The following ELOVL7 variants were observed in gnomAD, a reference collection of about 807,000 sequenced individuals.
ELOVL7 encodes the protein ELOVL fatty acid elongase 7.
ELOVL7 carries 27 observed loss-of-function variants against 35.7 expected under a neutral mutation model. The observed-to-expected ratio is 0.76, with a 90% confidence interval of 0.56 to 1.04. The LOEUF is 1.04. Ranked by LOEUF, ELOVL7 falls within the 50% of genes least tolerant of loss-of-function variation. The pLI, the probability that ELOVL7 is intolerant of heterozygous loss-of-function variation, is 0.00. For synonymous variants in ELOVL7, 113 were observed against 114.6 expected (o/e 0.99, Z 0.09); for missense variants, 327 against 340.8 (o/e 0.96, Z 0.32).
chr5:60,827,728 T>C (rs1384585115), intron 1 of ELOVL7, among the ~76,000 whole-genome samples: 1 of 152,154 alleles, frequency 6.6e-6, no homozygotes, highest in Non-Finnish European at 1.5e-5. Context: ...TGTAATTTAT[T>C]AACTTAACCT....
chr5:60,767,722 T>C (rs2112163056), intron 5 of ELOVL7, 101 bp downstream of exon 5: 1 of 758,902 alleles, frequency 1.3e-6, no homozygotes, highest in African/African-American at 1.7e-5. Context: ...ATCTGATAAC[T>C]GAGTCATCTG....
At chr5:60,829,215 T>A (rs1012186149) in intron 1 of ELOVL7, among the ~76,000 whole-genome samples, 1 of 152,116 alleles carries the variant, frequency 6.6e-6, no homozygotes, top group African/African-American at 2.4e-5. Context: ...CATCTAAATA[T>A]TTCCCAATTC....
intron 1 of ELOVL7, among the ~76,000 whole-genome samples, chr5:60,802,427 A>G (rs1166676834): frequency 6.6e-6 from 1 of 152,156 alleles, no homozygotes; most frequent in African/African-American, 2.4e-5. Flanking sequence ...CATGAGCAAC[A>G]GGCATAAAAT....
intron 1 of ELOVL7, among the ~76,000 whole-genome samples, chr5:60,838,980 G>A (rs934660963): frequency 6.7e-6 from 1 of 148,378 alleles, no homozygotes; most frequent in Admixed American, 6.8e-5. Flanking sequence ...CAGAGATAGC[G>A]CCATTGCACT....
intron 1 of ELOVL7, among the ~76,000 whole-genome samples, chr5:60,819,039 G>A (rs1437704687): frequency 0.012 from 5 of 426 alleles, no homozygotes; most frequent in Non-Finnish European, 0.013. Flanking sequence ...GGGAGGGGAG[G>A]GGAGGGGAGG....
intron 1 of ELOVL7, among the ~76,000 whole-genome samples, chr5:60,802,925 TCTC>T (rs1458620334): frequency 1.3e-5 from 2 of 152,180 alleles, no homozygotes; most frequent in Admixed American, 6.5e-5. Flanking sequence ...ATATGGCAGT[TCTC>T]CTGAGTTGGC....
intron 1 of ELOVL7, among the ~76,000 whole-genome samples, chr5:60,810,259 C>G (rs1579894231): frequency 2.6e-5 from 4 of 152,228 alleles, no homozygotes; most frequent in African/African-American, 7.2e-5. Flanking sequence ...AAGGCAGTAC[C>G]CCTAGGATCC....
intron 1 of ELOVL7, among the ~76,000 whole-genome samples, chr5:60,838,824 G>C (rs952022460): frequency 4.6e-5 from 7 of 151,388 alleles, no homozygotes; most frequent in African/African-American, 1.7e-4. Context: ...AGGAATTCAA[G>C]AGCAGCCTGG....
Position 60,775,550 on chromosome 5 carries a change from G to A in ELOVL7, c.65-3457C>T, listed in dbSNP as rs1742851633. Reference sequence around the variant, plus strand: ...ATCTTAAGCAAAAAGAACAAAGCTGGAGGCATCACATTATCTTACTTCAAA... The same window carrying A: ...ATCTTAAGCAAAAAGAACAAAGCTGAAGGCATCACATTATCTTACTTCAAA... On this transcript the variant is annotated intron_variant, in intron 3 of 8. Transcript: ENST00000508821. Among the ~76,000 whole-genome samples, 3 of 152,132 alleles carry A rather than the reference G, an allele frequency of 2.0e-5. No homozygotes were observed. The South Asian group carries it at 6.2e-4, about 32-fold the overall frequency.
At chr5:60,768,003 G>A (rs1742350071) in intron 4 of ELOVL7, 100 bp from the exon 5 acceptor site, 2 of 888,400 alleles carry the variant, frequency 2.3e-6, no homozygotes, top group Non-Finnish European at 1.9e-6. Flanking sequence ...TTTCAGCTAA[G>A]TCAATAGTCA....
At chr5:60,809,137 G>A (rs1354961772) in intron 1 of ELOVL7, among the ~76,000 whole-genome samples, 1 of 152,152 alleles carries the variant, frequency 6.6e-6, no homozygotes, top group Non-Finnish European at 1.5e-5. Context: ...CTCTGTGTAT[G>A]TCTGACAACT....
rs373504646 is a variant in ELOVL7, at chr5:60,761,118, A to C, written c.499+3109T>G. On this transcript the variant is annotated intron_variant, in intron 7 of 8. Coordinates refer to ENST00000508821, the MANE Select transcript of ELOVL7 (RefSeq NM_024930.3). ...GGCTTTCCTAACAAAATATTTTCTAAGCCTGTTTTCTTCTTTATGATAATG... is the reference window on the plus strand; with the variant it reads ...GGCTTTCCTAACAAAATATTTTCTACGCCTGTTTTCTTCTTTATGATAATG... Among the ~76,000 whole-genome samples, 11 of 152,252 alleles carry C rather than the reference A, an allele frequency of 7.2e-5. No homozygotes were observed. The South Asian group carries it at 2.3e-3, about 32-fold the overall frequency.
intron 1 of ELOVL7, among the ~76,000 whole-genome samples, chr5:60,818,745 C>T (rs990303218): frequency 5.7e-4 from 86 of 151,744 alleles, no homozygotes; most frequent in Non-Finnish European, 7.4e-4. Flanking sequence ...TGGTGGCTCA[C>T]GCCTGTAATC....
At chr5:60,803,726 T>C (rs980316473) in intron 1 of ELOVL7, among the ~76,000 whole-genome samples, 1 of 152,170 alleles carries the variant, frequency 6.6e-6, no homozygotes, top group African/African-American at 2.4e-5. Context: ...TTAAATAAAA[T>C]AGATGTTTCC....
At chr5:60,814,512 C>T (rs1053905740) in intron 1 of ELOVL7, among the ~76,000 whole-genome samples, 1 of 152,158 alleles carries the variant, frequency 6.6e-6, no homozygotes, top group African/African-American at 2.4e-5. Flanking sequence ...CCCAAGTTAT[C>T]CAAGAGAATA....
intron 1 of ELOVL7, among the ~76,000 whole-genome samples, chr5:60,803,823 G>C (rs1744779463): frequency 6.6e-6 from 1 of 152,168 alleles, no homozygotes; most frequent in South Asian, 2.1e-4. Flanking sequence ...TCAAGTTTAA[G>C]AGTAGTCATT....
rs148150749 is a variant in ELOVL7 at position 60,795,609 on chromosome 5, G to C, written c.-35+3571C>G. ...TTGTTCTGGCTCAAGCTGAACTTTCGCTCACCATCCACCAGGGCTGAATGC... is the reference window on the plus strand; with the variant it reads ...TTGTTCTGGCTCAAGCTGAACTTTCCCTCACCATCCACCAGGGCTGAATGC... On this transcript the variant is annotated intron_variant, in intron 2 of 8. Coordinates refer to ENST00000508821, the MANE Select transcript of ELOVL7 (RefSeq NM_024930.3). Among the ~76,000 whole-genome samples the C allele has an allele frequency of 2.7e-3, 417 of 152,208 alleles. 2 individuals carry two copies. Among genetic ancestry groups the C allele is most frequent in the Non-Finnish European group, 4.3e-3 (294 of 68,020 alleles).
intron 1 of ELOVL7, among the ~76,000 whole-genome samples, chr5:60,800,456 A>T (rs190719696): frequency 1.3e-5 from 2 of 152,214 alleles, no homozygotes; most frequent in East Asian, 3.8e-4. Context: ...AAACTCAATG[A>T]ATTCAGTTTA....
intron 1 of ELOVL7, among the ~76,000 whole-genome samples, chr5:60,813,451 C>T (rs986835955): frequency 6.6e-6 from 1 of 152,060 alleles, no homozygotes; most frequent in Non-Finnish European, 1.5e-5. Flanking sequence ...CACCTTTTCC[C>T]CTTTCCCTAT....
Sources: gnomAD v4.1 joint callset for allele counts (sites outside exome capture counted in the v4.1 genomes callset) on GRCh38, gnomAD v4.1.1 for gene constraint, MANE v1.5 for transcripts, NCBI Gene and HGNC (gene_info 2026-07-23, HGNC 2026-07-21) for gene names.